Variants in KPNA5 observed in about 807,000 individuals in gnomAD.
The protein encoded by KPNA5 is karyopherin subunit alpha 5.
KPNA5 carries 46 observed loss-of-function variants against 71.3 expected under a neutral mutation model. The observed-to-expected ratio is 0.65, with a 90% CI of 0.51 to 0.83. The LOEUF (loss-of-function observed/expected upper bound fraction) is 0.83. KPNA5 is among the 40% of genes least tolerant of loss of function. The pLI is 0.00. For synonymous variants in KPNA5, 207 were observed against 201.4 expected, an observed-to-expected ratio of 1.03 and a Z score of -0.24; for missense variants, 547 against 628.3, an observed-to-expected ratio of 0.87 and a Z score of 1.38.
intron 6 of KPNA5, among the ~76,000 whole-genome samples, chr6:116,704,585 C>G (rs1403647207): frequency 1.3e-5 from 2 of 152,022 alleles, no homozygotes; most frequent in African/African-American, 4.8e-5. Flanking sequence ...CACTAATATG[C>G]AAGGAAAACT....
intron 2 of KPNA5, 79 bp downstream of exon 2, chr6:116,689,532 T>C: frequency 8.1e-7 from 1 of 1,238,028 alleles, no homozygotes; most frequent in Non-Finnish European, 1.1e-6. Flanking sequence ...TAAATGGAAA[T>C]GTTTTAAGAA....
At chr6:116,705,705 A>G (rs868683175) in intron 7 of KPNA5, among the ~76,000 whole-genome samples, 17 of 152,174 alleles carry the variant, frequency 1.1e-4, no homozygotes, top group African/African-American at 3.9e-4. Flanking sequence ...AGGTTTATAC[A>G]TATTGTTTAT....
chr6:116,729,158 CGTGTGTGTGTGTGT>C (rs150925835), intron 12 of KPNA5, among the ~76,000 whole-genome samples: 1,663 of 112,154 alleles, frequency 0.015, 44 homozygotes, highest in African/African-American at 0.054. Flanking sequence ...ATATGACCTC[CGTGTGTGTGTGTGT>C]GTGTGTGTGT....
intron 7 of KPNA5, among the ~76,000 whole-genome samples, chr6:116,706,675 G>T (rs990814256): frequency 1.3e-5 from 2 of 151,968 alleles, no homozygotes; most frequent in African/African-American, 4.8e-5. Context: ...GGCAACAAGA[G>T]CGAAACTCCA....
In KPNA5 at chr6:116,682,784, A is replaced by C. The variant is rs373503429; in HGVS notation, c.4+1446A>C. ...AGTGCTGGAATAACATTTCTAAATA[A>C]AAATATTTAATTTTTATGAGACCTC... is the stretch of plus-strand genomic sequence containing the variant. On this transcript the variant is annotated intron_variant, in intron 1 of 13. Transcript: ENST00000368564. 2.3e-4 allele frequency among the ~76,000 whole-genome samples: 35 copies of C among 152,344 alleles called. 2 individuals carry two copies. In the South Asian group the frequency reaches 7.3e-3, roughly 32 times the overall value.
In KPNA5 at chr6:116,719,561, C is replaced by G. The variant is rs530378703; in HGVS notation, c.757-2565C>G. ...GGTAACATACCTGGCTACTACATAT[C>G]CTGCAGCTGGGCACTGTGTCTCATG... On this transcript the variant is annotated intron_variant, in intron 8 of 13. Transcript: ENST00000368564. Among the ~76,000 whole-genome samples, 15 of 152,110 alleles carry G rather than the reference C, an allele frequency of 9.9e-5. No individual in the cohort carries two copies. The South Asian group carries it at 3.1e-3, about 32-fold the overall frequency.
intron 1 of KPNA5, among the ~76,000 whole-genome samples, chr6:116,681,744 G>T (rs182044486): frequency 6.6e-6 from 1 of 152,250 alleles, no homozygotes; most frequent in African/African-American, 2.4e-5. Flanking sequence ...GAAGAGACAG[G>T]TTCCATCCCG....
intron 2 of KPNA5, among the ~76,000 whole-genome samples, chr6:116,691,433 GTTA>G (rs1015212148): frequency 5.3e-5 from 8 of 151,914 alleles, no homozygotes; most frequent in African/African-American, 1.9e-4. Context: ...ATTTTTTATT[GTTA>G]TTATTATTTT....
At position 116,733,229 on chromosome 6, in the gene KPNA5, A is replaced by G. The variant is rs1238805430; in HGVS notation, c.*906A>G. The G allele has an allele frequency of 6.6e-6, 1 of 151,674 alleles. No individual in the cohort carries two copies. The highest frequency in any genetic ancestry group is 1.5e-5 in the Non-Finnish European group (1 of 67,694). 9.4% of individuals were successfully genotyped at this position (151,674 alleles called of 1,614,324 possible). A position where few individuals can be genotyped will look rare whatever the true frequency, so the allele number is the denominator to read the frequency against. On this transcript the variant is annotated 3_prime_UTR_variant, in exon 14 of 14. Transcript: ENST00000368564. ...AATTATTTCTCTGATTTTTCAGAGC[A>G]GTAATTGAAAAGTTTCATTTTCTGT...
chr6:116,693,583 G>C (rs1193835809), intron 4 of KPNA5, among the ~76,000 whole-genome samples: 1 of 152,088 alleles, frequency 6.6e-6, no homozygotes, highest in East Asian at 1.9e-4. Context: ...TGATGGGGTT[G>C]TTTGTTTTTT....
intron 1 of KPNA5, among the ~76,000 whole-genome samples, chr6:116,684,660 A>G (rs925653942): frequency 6.6e-6 from 1 of 151,956 alleles, no homozygotes; most frequent in Non-Finnish European, 1.5e-5. Flanking sequence ...GGTCCCCAAG[A>G]TTTCTCCTTT....
rs767766543 is a variant in KPNA5 at position 116,718,197 on chromosome 6, ACT to A, written c.756+1882_756+1883del. ...AGTATACCTGACCTTCTTCATTTTT[ACT>A]CTGTTTCTTTCAAATCACCTTTTAA... On this transcript the variant is annotated intron_variant, in intron 8 of 13. Coordinates refer to ENST00000368564, the MANE Select transcript of KPNA5 (RefSeq NM_001366306.2). 3.4e-4 allele frequency among the ~76,000 whole-genome samples: 49 copies of A among 143,280 alleles called. 1 individual carries two copies. Among genetic ancestry groups the A allele is most frequent in the Middle Eastern group, 3.7e-3 (1 of 272 alleles). The allele number at this position is 143,280 out of a possible 152,430, so 94.0% of individuals were successfully genotyped here.
intron 7 of KPNA5, among the ~76,000 whole-genome samples, chr6:116,706,208 G>A (rs535379126): frequency 6.6e-6 from 1 of 152,172 alleles, no homozygotes; most frequent in Non-Finnish European, 1.5e-5. Flanking sequence ...TGTTTTTGTT[G>A]TTCTGTCTCT....
rs570151804 is a variant in KPNA5 at position 116,681,219 on chromosome 6, T to C, written c.-116T>C. ...GGGCGCAGGTGGCCGCCATCTTGGATTGCGAACTGGGTCGCTACGCTTCAC... is the reference window on the plus strand; with the variant it reads ...GGGCGCAGGTGGCCGCCATCTTGGACTGCGAACTGGGTCGCTACGCTTCAC... On this transcript the variant is annotated 5_prime_UTR_variant, in exon 1 of 14. Transcript: ENST00000368564. 3.4e-4 allele frequency: 497 copies of C among 1,441,246 alleles called. 5 individuals are homozygous for C. In the South Asian group the frequency reaches 3.8e-3, roughly 11 times the overall value. 89.3% of individuals were successfully genotyped at this position (1,441,246 alleles called of 1,614,324 possible). A position where few individuals can be genotyped will look rare whatever the true frequency, so the allele number is the denominator to read the frequency against.
At position 116,726,502 on chromosome 6, in the gene KPNA5, T is replaced by C. The variant is rs1459230827; in HGVS notation, c.1133T>C (p.Ile378Thr). 5.0e-6 allele frequency: 8 copies of C among 1,610,872 alleles called. No individual in the cohort carries two copies. The highest frequency in any genetic ancestry group is 4.5e-5 in the East Asian group (2 of 44,744). The change falls in exon 12 of 14, where the codon ATA becomes ACA. Residue 378 changes from isoleucine (I) to threonine (T), a missense_variant. By Grantham distance (89) the Ile-to-Thr change is moderately conservative. Coordinates refer to ENST00000368564, the MANE Select transcript of KPNA5 (RefSeq NM_001366306.2). ...AGNRAQIQAVIDANIFPVLIE... is the reference protein window; with the variant it reads ...AGNRAQIQAVTDANIFPVLIE... ...TATTTTTCCCCCTCTCAGGCTGTTA[T>C]AGATGCAAATATTTTTCCTGTTTTG...
At position 116,735,778 on chromosome 6, in the gene KPNA5, G is replaced by A. The variant is rs1319264039; in HGVS notation, c.*3455G>A. On this transcript the variant is annotated 3_prime_UTR_variant, in exon 14 of 14. Transcript: ENST00000368564. ...AGAAAAAATAGAATTATAAAAAATAGCTAATCCAAAACTAGACAGAAAAAG... is the reference window on the plus strand; with the variant it reads ...AGAAAAAATAGAATTATAAAAAATAACTAATCCAAAACTAGACAGAAAAAG... 6.6e-6 allele frequency: 1 copy of A among 151,562 alleles called. No individual in the cohort carries two copies. The highest frequency in any genetic ancestry group is 1.5e-5 in the Non-Finnish European group (1 of 67,740). 9.4% of individuals were successfully genotyped at this position (151,562 alleles called of 1,614,324 possible).
chr6:116,740,068 A>G lies in KPNA5; in HGVS notation c.*7745A>G, dbSNP rs944631052. On this transcript the variant is annotated 3_prime_UTR_variant, in exon 14 of 14. Transcript: ENST00000368564. ...CATCAGAGTGAACAGGCAACCTACA[A>G]AATGGGAGAAAATTTTCACAACCTA... is the stretch of plus-strand genomic sequence containing the variant. 3.3e-5 allele frequency: 5 copies of G among 151,910 alleles called. No individual in the cohort carries two copies. The highest frequency in any genetic ancestry group is 2.4e-5 in the African/African-American group (1 of 41,362). The allele number at this position is 151,910 out of a possible 1,614,324, so 9.4% of individuals were successfully genotyped here.
At chr6:116,685,261 G>A (rs555804199) in intron 1 of KPNA5, among the ~76,000 whole-genome samples, 27 of 152,220 alleles carry the variant, frequency 1.8e-4, no homozygotes, top group East Asian at 1.3e-3. Context: ...GAAAGAAGCC[G>A]GATTTATTTT....
In KPNA5 at chr6:116,734,006, C is replaced by CT. The variant is rs900375819; in HGVS notation, c.*1689dup. ...GTAATGCTGAGTGCATCTGCCAGCC[C>CT]TTTTTTATTATTAAGTAGAAGATTG... is the stretch of plus-strand genomic sequence containing the variant. On this transcript the variant is annotated 3_prime_UTR_variant, in exon 14 of 14. Transcript: ENST00000368564. The CT allele has an allele frequency of 2.8e-4, 43 of 151,652 alleles. No individual in the cohort carries two copies. The highest frequency in any genetic ancestry group is 1.0e-3 in the African/African-American group (43 of 41,472). The allele number at this position is 151,652 out of a possible 1,614,324, so 9.4% of individuals were successfully genotyped here.
Sources: gnomAD v4.1 joint callset for allele counts (sites outside exome capture counted in the v4.1 genomes callset) on GRCh38, gnomAD v4.1.1 for gene constraint, MANE v1.5 for transcripts, NCBI Gene and HGNC (gene_info 2026-07-23, HGNC 2026-07-21) for gene names.